Variants in TDO2 observed in about 807,000 individuals in gnomAD.
The protein encoded by TDO2 is tryptamin 2,3-dioxygenase.
A neutral mutation model predicts 61.2 loss-of-function variants in TDO2; 63 were observed. That is an observed-to-expected ratio of 1.03 (90% CI 0.84 to 1.27). TDO2 has a LOEUF of 1.27. TDO2 is among the 50% of genes most tolerant of loss of function. The probability of loss-of-function intolerance (pLI) is 0.00; values close to 1 mark genes in which losing one functional copy is unlikely to be tolerated. For synonymous variants in TDO2, 183 were observed against 164.0 expected (o/e 1.12, Z -0.89); for missense variants, 494 against 469.5 (o/e 1.05, Z -0.48).
intron 4 of TDO2, among the ~76,000 whole-genome samples, chr4:155,908,633 T>G (rs1359475192): frequency 6.6e-6 from 1 of 152,152 alleles, no homozygotes; most frequent in Non-Finnish European, 1.5e-5. Context: ...CAGTGGGGGG[T>G]TGTATTCTAG....
chr4:155,918,032 G>A (rs559985337), intron 10 of TDO2, 117 bp from the exon 11 acceptor site: 32 of 972,828 alleles, frequency 3.3e-5, no homozygotes, highest in Non-Finnish European at 4.7e-5. Flanking sequence ...ATATGGCCAA[G>A]TGTTAGTTGT....
chr4:155,916,952 TA>T (rs1046657945), intron 9 of TDO2, among the ~76,000 whole-genome samples: 7 of 149,278 alleles, frequency 4.7e-5, no homozygotes, highest in Non-Finnish European at 7.5e-5. Context: ...GAAATAGATG[TA>T]AAAAAACAAA....
intron 3 of TDO2, chr4:155,906,030 G>A (rs1433534629): frequency 6.6e-6 from 1 of 152,106 alleles, no homozygotes; most frequent in Non-Finnish European, 1.5e-5. Context: ...TCATGGTATG[G>A]TAGCATAAAT....
rs761603721 is a variant in TDO2 at position 155,917,452 on chromosome 4, T to C, written c.954T>C (p.Asp318=). The part of the protein sequence containing the change: ...FQLLTSLMDI[D]SLMTKWRYNH... ...TGCTGACTTCTCTTATGGACATAGA[T>C]TCACTGATGACCAAATGGAGATGTA... is the stretch of plus-strand genomic sequence containing the variant. The change falls in exon 10 of 12, where the codon GAT becomes GAC. Residue 318 remains aspartate (D), a synonymous_variant. Coordinates refer to ENST00000536354, the MANE Select transcript of TDO2 (RefSeq NM_005651.4). 6.2e-7 allele frequency: 1 copy of C among 1,611,636 alleles called. No homozygotes were observed. The highest frequency in any genetic ancestry group is 8.5e-7 in the Non-Finnish European group (1 of 1,179,038).
chr4:155,912,094 G>A (rs1742845453), intron 7 of TDO2, among the ~76,000 whole-genome samples: 1 of 152,132 alleles, frequency 6.6e-6, no homozygotes, highest in African/African-American at 2.4e-5. Context: ...TTTCCTGGAA[G>A]ACTTGTTTAA....
At chr4:155,919,524 T>C (rs996312689) in intron 11 of TDO2, among the ~76,000 whole-genome samples, 2 of 152,074 alleles carry the variant, frequency 1.3e-5, no homozygotes, top group African/African-American at 4.8e-5. Flanking sequence ...CCTTCAGAAG[T>C]AGGAAATGAG....
chr4:155,914,319 A>G lies in TDO2; in HGVS notation c.727-4A>G, dbSNP rs1356829936. 1.3e-6 allele frequency: 2 copies of G among 1,596,370 alleles called. No homozygotes were observed. Among genetic ancestry groups the G allele is most frequent in the Admixed American group, 3.7e-5 (2 of 54,612 alleles). ...GGACTATTAATGCCATATTTTTCCT[A>G]AAGGCTAAAGAAGAGTCTGAAGAAA... On this transcript the variant is annotated splice_region_variant and splice_polypyrimidine_tract_variant and intron_variant, in intron 7 of 11. Coordinates refer to ENST00000536354, the MANE Select transcript of TDO2 (RefSeq NM_005651.4).
chr4:155,915,493 T>A (rs142688530), intron 8 of TDO2, among the ~76,000 whole-genome samples: 1 of 152,334 alleles, frequency 6.6e-6, no homozygotes, highest in East Asian at 1.9e-4. Context: ...TTTGAAATGA[T>A]GCTTATAACA....
At chr4:155,914,043 C>T (rs1185973257) in intron 7 of TDO2, among the ~76,000 whole-genome samples, 3 of 151,922 alleles carry the variant, frequency 2.0e-5, no homozygotes, top group Non-Finnish European at 2.9e-5. Context: ...GTAGTTATCT[C>T]CAATTTTGTC....
intron 9 of TDO2, among the ~76,000 whole-genome samples, chr4:155,916,313 G>C (rs377310566): frequency 6.9e-6 from 1 of 143,914 alleles, no homozygotes; most frequent in Non-Finnish European, 1.5e-5. Context: ...GACTACAGGC[G>C]CCCACCACCA....
chr4:155,919,877 A>G lies in TDO2; in HGVS notation c.1108A>G (p.Thr370Ala). Residue 370 changes from threonine (T) to alanine (A), a missense_variant, in exon 12 of 12, where the codon ACA (threonine) becomes GCA (alanine). Coordinates refer to ENST00000536354, the MANE Select transcript of TDO2 (RefSeq NM_005651.4). ...ATTTGTAGATTTATTTAATCTTTCA[A>G]CATACCTGATTCCCCGACACTGGAT... Reference protein sequence around the residue: ...KVFVDLFNLSTYLIPRHWIPK... With the variant: ...KVFVDLFNLSAYLIPRHWIPK... 1.9e-6 allele frequency: 3 copies of G among 1,613,664 alleles called. No individual in the cohort carries two copies. Among genetic ancestry groups the G allele is most frequent in the Non-Finnish European group, 8.5e-7 (1 of 1,179,736 alleles).
chr4:155,909,133 C>G, intron 5 of TDO2, 119 bp downstream of exon 5: 1 of 981,214 alleles, frequency 1.0e-6, no homozygotes, highest in African/African-American at 1.7e-5. Context: ...CATTTTGTCA[C>G]TATATGGACT....
Position 155,919,994 on chromosome 4 carries a change from C to T in TDO2, c.*4C>T, listed in dbSNP as rs766616896. On this transcript the variant is annotated 3_prime_UTR_variant, in exon 12 of 12. Transcript: ENST00000536354. ...CAGCAGTGATGAATCAGATTAAAAT[C>T]GTCTGCAAAATCTATGAAGAATACT... The T allele has an allele frequency of 1.2e-6, 2 of 1,611,042 alleles. No homozygotes were observed. Among genetic ancestry groups the T allele is most frequent in the Non-Finnish European group, 1.7e-6 (2 of 1,178,934 alleles).
chr4:155,918,574 A>T (rs1742986889), intron 11 of TDO2, among the ~76,000 whole-genome samples: 1 of 152,228 alleles, frequency 6.6e-6, no homozygotes, highest in East Asian at 1.9e-4. Flanking sequence ...TAAAACATTT[A>T]TCATTAATTC....
chr4:155,918,046 C>A, intron 10 of TDO2, 103 bp from the exon 11 acceptor site: 1 of 1,156,252 alleles, frequency 8.6e-7, no homozygotes. Flanking sequence ...TAGTTGTCAA[C>A]ATTTTCTCAG....
chr4:155,910,290 A>G (rs1204332591), intron 6 of TDO2, 79 bp downstream of exon 6: 1 of 1,125,096 alleles, frequency 8.9e-7, no homozygotes, highest in Non-Finnish European at 1.2e-6. Flanking sequence ...AATTTTAAAA[A>G]CGTATATCGA....
intron 5 of TDO2, among the ~76,000 whole-genome samples, chr4:155,909,693 T>C (rs867861517): frequency 3.9e-5 from 6 of 151,998 alleles, no homozygotes; most frequent in Non-Finnish European, 8.8e-5. Flanking sequence ...CTGATTTCAG[T>C]GAGTCAAATC....
chr4:155,920,129 AT>A lies in TDO2; in HGVS notation c.*142del. 1 of 747,550 alleles carries A rather than the reference AT, an allele frequency of 1.3e-6. No individual in the cohort carries two copies. The allele number at this position is 747,550 out of a possible 1,614,324, so 46.3% of individuals were successfully genotyped here. A position where few individuals can be genotyped will look rare whatever the true frequency, so the allele number is the denominator to read the frequency against. On this transcript the variant is annotated 3_prime_UTR_variant, in exon 12 of 12. Coordinates refer to ENST00000536354, the MANE Select transcript of TDO2 (RefSeq NM_005651.4). ...ATGCTCTGATTTAATTCTAGAAACA[AT>A]TTGATTACCTCTTGTTTGTGACAAG...
chr4:155,908,960 T>A lies in TDO2; in HGVS notation c.377T>A (p.Val126Glu). The stretch of plus-strand genomic sequence containing the variant: ...GTGTCAGTGATCCTGAAACTGCTGG[T>A]GCAGCAGTTTTCCATTCTGGAGACG... ...HRVSVILKLL[V>E]QQFSILETMT... The change falls in exon 5 of 12, where the codon GTG becomes GAG. Residue 126 changes from valine (V) to glutamate (E), a missense_variant. Coordinates refer to ENST00000536354, the MANE Select transcript of TDO2 (RefSeq NM_005651.4). The A allele has an allele frequency of 6.2e-7, 1 of 1,613,466 alleles. No homozygotes were observed.
Sources: gnomAD v4.1 joint callset for allele counts (sites outside exome capture counted in the v4.1 genomes callset) on GRCh38, gnomAD v4.1.1 for gene constraint, MANE v1.5 for transcripts, NCBI Gene and HGNC (gene_info 2026-07-23, HGNC 2026-07-21) for gene names.